The following CCDC183 variants were observed in gnomAD, a reference collection of about 807,000 sequenced individuals.
The protein encoded by CCDC183 is coiled-coil domain containing 183.
In CCDC183, 63 loss-of-function variants were observed where a neutral mutation model predicts 65.2. The ratio of observed to expected loss-of-function variants is 0.97; its 90% CI spans 0.79 to 1.19. CCDC183 has a LOEUF of 1.19. Among genes scored for constraint, CCDC183 ranks in the 50% most tolerant of loss-of-function variants. The probability of loss-of-function intolerance (pLI) is 0.00; values close to 1 mark genes in which losing one functional copy is unlikely to be tolerated. For synonymous variants in CCDC183, 323 were observed against 276.5 expected, an observed-to-expected ratio of 1.17 and a Z score of -1.67; for missense variants, 769 against 689.3, an observed-to-expected ratio of 1.12 and a Z score of -1.30.
At position 136,802,518 on chromosome 9, in the gene CCDC183, G is replaced by C. The variant is rs1308364589; in HGVS notation, c.544-146G>C. 7 of 1,171,650 alleles carry C rather than the reference G, an allele frequency of 6.0e-6. No individual in the cohort carries two copies. In the Admixed American group the frequency reaches 9.9e-5, roughly 17 times the overall value. 72.6% of individuals were successfully genotyped at this position (1,171,650 alleles called of 1,614,324 possible). A position where few individuals can be genotyped will look rare whatever the true frequency, so the allele number is the denominator to read the frequency against. ...TCCCTGTGAAACACCTTTCATCACC[G>C]TTGTGCCCAGCGGGGAGTGGGGGAG... On this transcript the variant is annotated intron_variant, in intron 5 of 13. Coordinates refer to ENST00000338005, the MANE Select transcript of CCDC183 (RefSeq NM_001039374.5).
At chr9:136,797,094 A>C (rs1375964034) in intron 1 of CCDC183, among the ~76,000 whole-genome samples, 1 of 152,216 alleles carries the variant, frequency 6.6e-6, no homozygotes, top group Non-Finnish European at 1.5e-5. Context: ...CTAAGATAGG[A>C]GAAAACCGCT....
Position 136,799,998 on chromosome 9 carries a change from C to A in CCDC183, c.271-4C>A. 1 of 1,582,348 alleles carries A rather than the reference C, an allele frequency of 6.3e-7. No homozygotes were observed. Among genetic ancestry groups the A allele is most frequent in the South Asian group, 1.1e-5 (1 of 87,092 alleles). On this transcript the variant is annotated splice_region_variant and splice_polypyrimidine_tract_variant and intron_variant, in intron 3 of 13. Coordinates refer to ENST00000338005, the MANE Select transcript of CCDC183 (RefSeq NM_001039374.5). Reference sequence around the variant, plus strand: ...ACGAGTGGGCGGTGCCCTTCCCGACCCAGGTGGTGCGGGAGAAGCTGCGCA... The same window carrying A: ...ACGAGTGGGCGGTGCCCTTCCCGACACAGGTGGTGCGGGAGAAGCTGCGCA...
Position 136,804,924 on chromosome 9 carries a change from C to G in CCDC183, c.847+108C>G, listed in dbSNP as rs1213466429. ...CCTGAGGCCAGGTGTGACATGTGGT[C>G]GCCAGGGTGAAGGGAAGGACAGGTC... is the stretch of plus-strand genomic sequence containing the variant. On this transcript the variant is annotated intron_variant, in intron 8 of 13. Coordinates refer to ENST00000338005, the MANE Select transcript of CCDC183 (RefSeq NM_001039374.5). The surrounding 1 kb of genome is among the most constrained non-coding windows in gnomAD (Gnocchi z 4.1). 2 of 949,242 alleles carry G rather than the reference C, an allele frequency of 2.1e-6. No homozygotes were observed. The highest frequency in any genetic ancestry group is 3.3e-6 in the Non-Finnish European group (2 of 612,622). The allele number at this position is 949,242 out of a possible 1,614,324, so 58.8% of individuals were successfully genotyped here. A position where few individuals can be genotyped will look rare whatever the true frequency, so the allele number is the denominator to read the frequency against.
At chr9:136,798,296 G>A (rs147960013) in intron 1 of CCDC183, among the ~76,000 whole-genome samples, 5 of 85,610 alleles carry the variant, frequency 5.8e-5, no homozygotes, top group East Asian at 3.3e-4. Context: ...ATGAGCCACC[G>A]GCGCCTAGCT....
intron 10 of CCDC183, 130 bp from the exon 11 acceptor site, chr9:136,806,374 C>T (rs1847850300): frequency 2.9e-6 from 4 of 1,401,440 alleles, no homozygotes; most frequent in Admixed American, 2.0e-5. Context: ...GGGGACTCCA[C>T]TTGCACACAC....
chr9:136,806,500 G>A lies in CCDC183; in HGVS notation c.1110-4G>A. The A allele has an allele frequency of 1.2e-6, 2 of 1,613,302 alleles. No homozygotes were observed. Among genetic ancestry groups the A allele is most frequent in the Non-Finnish European group, 1.7e-6 (2 of 1,180,024 alleles). On this transcript the variant is annotated splice_polypyrimidine_tract_variant and splice_region_variant and intron_variant, in intron 10 of 13. Transcript: ENST00000338005. ...CACTGCTGTGTCCCTATTGCCTTCT[G>A]CAGCTTCAAGTCCGTTGAGAAGAAA...
Position 136,806,514 on chromosome 9 carries a change from G to C in CCDC183, c.1120G>C (p.Val374Leu), listed in dbSNP as rs376681775. 1 of 1,613,402 alleles carries C rather than the reference G, an allele frequency of 6.2e-7. No individual in the cohort carries two copies. The highest frequency in any genetic ancestry group is 1.7e-5 in the Admixed American group (1 of 60,032). ...TATTGCCTTCTGCAGCTTCAAGTCC[G>C]TTGAGAAGAAAATGACAGACATGCT... ...QKPSSISFKS[V>L]EKKMTDMLKE... Residue 374 changes from valine (V) to leucine (L), a missense_variant, in exon 11 of 14, where the codon GTT becomes CTT. By Grantham distance (32) the Val-to-Leu change is conservative. Coordinates refer to ENST00000338005, the MANE Select transcript of CCDC183 (RefSeq NM_001039374.5).
chr9:136,801,109 T>G (rs900480765), intron 5 of CCDC183, among the ~76,000 whole-genome samples: 1 of 152,116 alleles, frequency 6.6e-6, no homozygotes, highest in Admixed American at 6.5e-5. Flanking sequence ...AAAGGGGAGC[T>G]CTGGAGAGCC....
chr9:136,806,320 G>C, intron 10 of CCDC183, 82 bp downstream of exon 10: 1 of 1,462,216 alleles, frequency 6.8e-7, no homozygotes. Context: ...GGAGCTGGGA[G>C]TATACCCACT....
At chr9:136,806,054 TTC>T in intron 9 of CCDC183, 22 bp from the exon 10 acceptor site, 1 of 1,543,784 alleles carries the variant, frequency 6.5e-7, no homozygotes. Context: ...CCACACCTGC[TTC>T]TCTCTCCCCC....
chr9:136,804,291 G>C lies in CCDC183; in HGVS notation c.667-211G>C. 1 of 612,910 alleles carries C rather than the reference G, an allele frequency of 1.6e-6. No individual in the cohort carries two copies. The highest frequency in any genetic ancestry group is 2.0e-5 in the South Asian group (1 of 50,426). 38.0% of individuals were successfully genotyped at this position (612,910 alleles called of 1,614,324 possible). A position where few individuals can be genotyped will look rare whatever the true frequency, so the allele number is the denominator to read the frequency against. On this transcript the variant is annotated intron_variant, in intron 6 of 13. Transcript: ENST00000338005. This position sits in a 1 kb window ranked among gnomAD's most constrained non-coding sequence, Gnocchi z 4.1. ...CGGCTGGAGGGCAGCAGAGCGTCTG[G>C]GCTGGCACATGCTCTGAGGCATGGG... is the stretch of plus-strand genomic sequence containing the variant.
In CCDC183 at chr9:136,805,421, G is replaced by A. The variant is rs1433237993; in HGVS notation, c.912G>A (p.Glu304=). 1.9e-6 allele frequency: 3 copies of A among 1,614,096 alleles called. No homozygotes were observed. The highest frequency in any genetic ancestry group is 1.7e-6 in the Non-Finnish European group (2 of 1,180,002). Residue 304 remains glutamate, a synonymous_variant, in exon 9 of 14, where the codon GAG becomes GAA. Transcript: ENST00000338005. Reference sequence around the variant, plus strand: ...AGTCGGGCGTGACTGCTGTGGTGGAGAAGGTCAAGAGTGCTGTACGGTGCT... The same window carrying A: ...AGTCGGGCGTGACTGCTGTGGTGGAAAAGGTCAAGAGTGCTGTACGGTGCT... ...EYQSGVTAVV[E]KVKSAVRCSH...
At chr9:136,807,510 G>A (rs1019746668) in intron 13 of CCDC183, 62 bp from the exon 14 acceptor site, 4 of 1,473,038 alleles carry the variant, frequency 2.7e-6, no homozygotes, top group East Asian at 5.1e-5. Context: ...GGCGAGAGGC[G>A]GGTCGGGCGG....
chr9:136,806,256 G>C lies in CCDC183; in HGVS notation c.1109+18G>C. The C allele has an allele frequency of 1.3e-6, 2 of 1,580,956 alleles. No individual in the cohort carries two copies. The highest frequency in any genetic ancestry group is 2.3e-5 in the South Asian group (2 of 86,666). ...TCCATCAGGTGCCCCGGGCTTCCGG[G>C]GCTGCGGGCCACCCACCCCAGTCTC... On this transcript the variant is annotated intron_variant, in intron 10 of 13. Transcript: ENST00000338005.
At position 136,806,504 on chromosome 9, in the gene CCDC183, C is replaced by T. The variant is rs1392052449; in HGVS notation, c.1110C>T (p.Ser370=). ...GCTGTGTCCCTATTGCCTTCTGCAG[C>T]TTCAAGTCCGTTGAGAAGAAAATGA... The part of the protein sequence containing the change: ...LKFRQKPSSI[S]FKSVEKKMTD... The change falls in exon 11 of 14, where the codon AGC becomes AGT. Residue 370 remains serine (S), a splice_region_variant and synonymous_variant. Coordinates refer to ENST00000338005, the MANE Select transcript of CCDC183 (RefSeq NM_001039374.5). 1.9e-6 allele frequency: 3 copies of T among 1,613,370 alleles called. No individual in the cohort carries two copies. The highest frequency in any genetic ancestry group is 3.3e-5 in the Admixed American group (2 of 60,026).
intron 2 of CCDC183, 117 bp downstream of exon 2, chr9:136,799,340 G>C: frequency 7.1e-7 from 1 of 1,417,412 alleles, no homozygotes; most frequent in Non-Finnish European, 9.3e-7. Context: ...TGGATCCAGG[G>C]GGCATGTGAG....
At chr9:136,803,525 A>G (rs1474283342) in intron 6 of CCDC183, among the ~76,000 whole-genome samples, 1 of 152,178 alleles carries the variant, frequency 6.6e-6, no homozygotes, top group Non-Finnish European at 1.5e-5. Flanking sequence ...AGGTCCCTGC[A>G]AGGCTCTGGG....
chr9:136,802,567 C>T, intron 5 of CCDC183, 97 bp from the exon 6 acceptor site: 3 of 1,501,720 alleles, frequency 2.0e-6, no homozygotes, highest in Non-Finnish European at 2.7e-6. Flanking sequence ...CAGAGGAGAA[C>T]CTATCACTGT....
Position 136,799,723 on chromosome 9 carries a change from G to T in CCDC183, c.203G>T (p.Trp68Leu). ...DWALAKKYDQ[W>L]TISKACGKNL... ...GCCGCCGCTCCGCAGTATGACCAGT[G>T]GACCATCTCCAAGGCCTGCGGGAAA... is the stretch of plus-strand genomic sequence containing the variant. Residue 68 changes from tryptophan (W) to leucine (L), a missense_variant, in exon 3 of 14, where the codon TGG becomes TTG. Transcript: ENST00000338005. 1 of 1,613,002 alleles carries T rather than the reference G, an allele frequency of 6.2e-7. No homozygotes were observed. Among genetic ancestry groups the T allele is most frequent in the Middle Eastern group, 1.7e-4 (1 of 6,002 alleles).
Sources: gnomAD v4.1 joint callset for allele counts (sites outside exome capture counted in the v4.1 genomes callset) on GRCh38, gnomAD v4.1.1 for gene constraint, Gnocchi (gnomAD v3.1) non-coding constraint, MANE v1.5 for transcripts, NCBI Gene and HGNC (gene_info 2026-07-23, HGNC 2026-07-21) for gene names.